Variants in NBAS observed in about 807,000 individuals in gnomAD.
The protein encoded by NBAS is NBAS subunit of NRZ tethering complex.
Under a neutral mutation model 302.5 loss-of-function variants are expected in NBAS, and 219 were observed. The ratio of observed to expected loss-of-function variants is 0.72; its 90% CI spans 0.65 to 0.81. NBAS has a LOEUF of 0.81. Ranked by LOEUF, NBAS falls within the 30% of genes least tolerant of loss-of-function variation. NBAS has a pLI of 0.00. For synonymous variants in NBAS, 1,118 were observed against 1,021.6 expected (o/e 1.09, Z -1.80); for missense variants, 2,932 against 2,841.6 (o/e 1.03, Z -0.72).
chr2:14,849,872 G>C, the NBAS span, among the ~76,000 whole-genome samples: 1 of 137,038 alleles, frequency 7.3e-6, no homozygotes, highest in Non-Finnish European at 1.5e-5. Context: ...TTACAGACAA[G>C]CAAATGCTGA....
chr2:15,223,447 GATTTC>G (rs2147900247), intron 47 of NBAS, among the ~76,000 whole-genome samples: 1 of 152,182 alleles, frequency 6.6e-6, no homozygotes, highest in South Asian at 2.1e-4. Flanking sequence ...GAAGGAAAGT[GATTTC>G]ATTTCTCATC....
chr2:15,070,927 T>G, the NBAS span, among the ~76,000 whole-genome samples: 2 of 152,120 alleles, frequency 1.3e-5, no homozygotes, highest in Non-Finnish European at 2.9e-5. Flanking sequence ...TAAAAACCAC[T>G]GATTTGAGCT....
chr2:15,438,513 A>G (rs1678145642), intron 21 of NBAS, among the ~76,000 whole-genome samples: 1 of 152,178 alleles, frequency 6.6e-6, no homozygotes, highest in Non-Finnish European at 1.5e-5. Context: ...AACTACCACC[A>G]CGATCAACAA....
At chr2:15,327,583 T>C (rs1672129248) in intron 38 of NBAS, among the ~76,000 whole-genome samples, 167 bp downstream of exon 38, 1 of 152,196 alleles carries the variant, frequency 6.6e-6, no homozygotes, top group Non-Finnish European at 1.5e-5. Flanking sequence ...ATAAGTGTTT[T>C]AAACAAAATT....
the NBAS span, among the ~76,000 whole-genome samples, chr2:14,843,416 C>A: frequency 0.21 from 32,245 of 151,958 alleles, 5,556 homozygotes; most frequent in African/African-American, 0.47. Context: ...TTAGAAAAAT[C>A]TGAAGACCCC....
At chr2:15,522,804 A>G (rs1226380658) in intron 9 of NBAS, among the ~76,000 whole-genome samples, 3 of 152,240 alleles carry the variant, frequency 2.0e-5, no homozygotes, top group Non-Finnish European at 4.4e-5. Context: ...TTTAACTACT[A>G]ATAGGCTAAT....
chr2:15,400,646 A>G (rs539706204), intron 26 of NBAS, among the ~76,000 whole-genome samples: 75 of 152,346 alleles, frequency 4.9e-4, no homozygotes, highest in African/African-American at 1.7e-3. Context: ...AAAAGTGGGC[A>G]GCAAACAGCT....
the NBAS span, among the ~76,000 whole-genome samples, chr2:15,030,683 C>T: frequency 6.6e-6 from 1 of 152,192 alleles, no homozygotes; most frequent in East Asian, 1.9e-4. Context: ...GATGTACAAT[C>T]ATTAATACAG....
rs1663517750 is a variant in NBAS, at chr2:15,536,440, C to T, written c.625G>A (p.Glu209Lys). The T allele has an allele frequency of 6.2e-7, 1 of 1,613,356 alleles. No individual in the cohort carries two copies. Among genetic ancestry groups the T allele is most frequent in the African/African-American group, 1.3e-5 (1 of 74,874 alleles). ...TACCTTACAAGGTAACTTCTAAGTT[C>T]TCCTCGGTAATTGATGACCAGGAGT... is the stretch of plus-strand genomic sequence containing the variant. The part of the protein sequence containing the change: ...AELLVINYRG[E>K]LRSYLVSVGT... The change falls in exon 8 of 52, where the codon GAA becomes AAA. Residue 209 changes from glutamate (E) to lysine (K), a missense_variant. Coordinates refer to ENST00000281513, the MANE Select transcript of NBAS (RefSeq NM_015909.4).
chr2:15,552,806 T>G (rs1664444087), intron 5 of NBAS, among the ~76,000 whole-genome samples: 1 of 151,614 alleles, frequency 6.6e-6, no homozygotes, highest in African/African-American at 2.4e-5. Context: ...TTTTTTTTTT[T>G]TTTTTGAGAC....
At chr2:15,557,622 G>A (rs899098120) in intron 2 of NBAS, among the ~76,000 whole-genome samples, 1 of 152,072 alleles carries the variant, frequency 6.6e-6, no homozygotes, top group African/African-American at 2.4e-5. Context: ...TTAATTTCAA[G>A]TACTTAACTT....
At chr2:15,014,857 T>G in the NBAS span, among the ~76,000 whole-genome samples, 1 of 151,794 alleles carries the variant, frequency 6.6e-6, no homozygotes, top group Non-Finnish European at 1.5e-5. Context: ...AAAGTTGGTT[T>G]ATTGAAAAGA....
chr2:15,383,129 C>A, intron 29 of NBAS, 86 bp downstream of exon 29: 1 of 1,134,412 alleles, frequency 8.8e-7, no homozygotes, highest in Non-Finnish European at 1.3e-6. Flanking sequence ...TCCAGGGTAG[C>A]TTATGGTCAT....
chr2:14,977,916 T>C, the NBAS span, among the ~76,000 whole-genome samples: 2 of 152,312 alleles, frequency 1.3e-5, no homozygotes, highest in Non-Finnish European at 2.9e-5. Context: ...AACCATCAAG[T>C]TGCATAGTTT....
chr2:15,256,860 T>C (rs1182047440), intron 44 of NBAS, among the ~76,000 whole-genome samples: 1 of 152,240 alleles, frequency 6.6e-6, no homozygotes, highest in African/African-American at 2.4e-5. Context: ...ATATCACATT[T>C]ATTTACTTAC....
At chr2:15,252,687 G>A (rs1300697309) in intron 44 of NBAS, among the ~76,000 whole-genome samples, 1 of 152,012 alleles carries the variant, frequency 6.6e-6, no homozygotes, top group East Asian at 1.9e-4. Flanking sequence ...AAAATACACA[G>A]ATGTCCTCTC....
intron 47 of NBAS, among the ~76,000 whole-genome samples, chr2:15,226,637 G>A (rs1398989178): frequency 1.3e-5 from 2 of 152,158 alleles, no homozygotes; most frequent in Non-Finnish European, 2.9e-5. Context: ...CAACTCTCAT[G>A]TCTAGAGGCA....
chr2:14,813,632 A>C, the NBAS span, among the ~76,000 whole-genome samples: 1 of 152,176 alleles, frequency 6.6e-6, no homozygotes. Flanking sequence ...TGAAACTGGA[A>C]CTTATATTTA....
the NBAS span, among the ~76,000 whole-genome samples, chr2:14,905,460 C>A: frequency 6.6e-6 from 1 of 152,138 alleles, no homozygotes; most frequent in Non-Finnish European, 1.5e-5. Flanking sequence ...CCCAGCTGTC[C>A]CGCTCGGTGG....
Sources: gnomAD v4.1 joint callset for allele counts (sites outside exome capture counted in the v4.1 genomes callset) on GRCh38, gnomAD v4.1.1 for gene constraint, MANE v1.5 for transcripts, NCBI Gene and HGNC (gene_info 2026-07-23, HGNC 2026-07-21) for gene names.